Variants in STX8 observed in about 807,000 individuals in gnomAD.
The protein encoded by STX8 is syntaxin 8, also known as syntaxin-8.
A neutral mutation model predicts 37.5 loss-of-function variants in STX8; 23 were observed. That is an observed-to-expected ratio of 0.61 (90% confidence interval 0.44 to 0.87). The LOEUF is 0.87. Ranked by LOEUF, STX8 falls within the 40% of genes least tolerant of loss-of-function variation. The pLI is 0.00. For missense variants in STX8, 313 were observed against 284.7 expected (o/e 1.10, Z -0.71); for synonymous variants, 115 against 99.1 (o/e 1.16, Z -0.95).
In STX8 at chr17:9,542,008, T is replaced by A. The variant is rs890614205; in HGVS notation, c.323+3164A>T. On this transcript the variant is annotated intron_variant, in intron 4 of 7. Coordinates refer to ENST00000306357, the MANE Select transcript of STX8 (RefSeq NM_004853.3). The stretch of plus-strand genomic sequence containing the variant: ...GTACATGGTCTAAACATTTGTATTT[T>A]TTTTTTTTTTTCCATTCTCTCTTGG... Among the ~76,000 whole-genome samples, 8 of 149,790 alleles carry A rather than the reference T, an allele frequency of 5.3e-5. No homozygotes were observed. In the South Asian group the frequency reaches 1.7e-3, roughly 31 times the overall value.
chr17:9,412,131 C>G (rs1041455507), intron 6 of STX8, among the ~76,000 whole-genome samples: 1 of 152,058 alleles, frequency 6.6e-6, no homozygotes, highest in African/African-American at 2.4e-5. Context: ...AATACATAGT[C>G]CAAGGAACAC....
intron 7 of STX8, among the ~76,000 whole-genome samples, chr17:9,259,620 G>A (rs934520283): frequency 6.6e-6 from 1 of 152,200 alleles, no homozygotes; most frequent in Non-Finnish European, 1.5e-5. Context: ...GCTGTGCTGG[G>A]CGGAATGCTG....
chr17:9,406,749 C>CA, intron 6 of STX8, among the ~76,000 whole-genome samples: 1 of 152,246 alleles, frequency 6.6e-6, no homozygotes, highest in South Asian at 2.1e-4. Context: ...CTAGACTATA[C>CA]AATTCATCTG....
At chr17:9,373,361 C>A (rs979051874) in intron 7 of STX8, among the ~76,000 whole-genome samples, 2 of 151,806 alleles carry the variant, frequency 1.3e-5, no homozygotes, top group Non-Finnish European at 2.9e-5. Context: ...GGTGGAACAA[C>A]CTGTGTCCAC....
At chr17:9,501,974 A>C (rs1904628429) in intron 5 of STX8, among the ~76,000 whole-genome samples, 1 of 152,156 alleles carries the variant, frequency 6.6e-6, no homozygotes, top group African/African-American at 2.4e-5. Flanking sequence ...GTCTCAAAAA[A>C]CAAACAAACA....
intron 6 of STX8, among the ~76,000 whole-genome samples, chr17:9,431,443 TTGTTGTTTTG>T (rs1913975589): frequency 6.8e-6 from 1 of 147,444 alleles, no homozygotes; most frequent in African/African-American, 2.6e-5. Context: ...GTTGTTGTTG[TTGTTGTTTTG>T]TTTTTTTTGT....
intron 4 of STX8, among the ~76,000 whole-genome samples, chr17:9,543,422 T>C (rs1200000562): frequency 6.6e-6 from 1 of 152,002 alleles, no homozygotes. Context: ...GCCTCCTGAG[T>C]AGCTGGGACT....
At chr17:9,362,277 A>T (rs1911085052) in intron 7 of STX8, among the ~76,000 whole-genome samples, 1 of 152,018 alleles carries the variant, frequency 6.6e-6, no homozygotes, top group Non-Finnish European at 1.5e-5. Context: ...TTGCAGTGAG[A>T]TCGTACCACT....
intron 3 of STX8, among the ~76,000 whole-genome samples, chr17:9,546,484 G>GCATGGGCGCC (rs1194213915): frequency 6.6e-6 from 1 of 151,592 alleles, no homozygotes; most frequent in African/African-American, 2.4e-5. Context: ...CGGCGCGTGC[G>GCATGGGCGCC]CATGAAGCAA....
chr17:9,456,459 T>A lies in STX8; in HGVS notation c.541+35370A>T, dbSNP rs9911856. ...GTTCACTGAGGCCACTGAACAGCTG[T>A]CCGGTGATAACCACTTTCATAGTTG... On this transcript the variant is annotated intron_variant, in intron 6 of 7. Transcript: ENST00000306357. 2.6e-4 allele frequency among the ~76,000 whole-genome samples: 40 copies of A among 152,230 alleles called. No individual in the cohort carries two copies. The East Asian group carries it at 7.5e-3, about 29-fold the overall frequency.
chr17:9,408,656 G>A (rs1217672829), intron 6 of STX8, among the ~76,000 whole-genome samples: 1 of 152,162 alleles, frequency 6.6e-6, no homozygotes. Flanking sequence ...TCTGGCCTAC[G>A]TGTTTAGTAA....
In STX8 at chr17:9,568,225, G is replaced by A. The variant is rs975983626; in HGVS notation, c.117+146C>T. The A allele has an allele frequency of 1.2e-5, 7 of 583,138 alleles. No homozygotes were observed. In the African/African-American group the frequency reaches 1.3e-4, roughly 11 times the overall value. The allele number at this position is 583,138 out of a possible 1,614,324, so 36.1% of individuals were successfully genotyped here. ...CTCAATGATTACATCACTACTAACT[G>A]GTTGGGTGTTATGTCAATTCAACAT... is the stretch of plus-strand genomic sequence containing the variant. On this transcript the variant is annotated intron_variant, in intron 2 of 7. Transcript: ENST00000306357.
intron 6 of STX8, among the ~76,000 whole-genome samples, chr17:9,440,968 G>A (rs1430679136): frequency 4.6e-5 from 7 of 152,012 alleles, no homozygotes; most frequent in Non-Finnish European, 1.5e-5. Context: ...ACCATGGCTG[G>A]CCTCCTCTCC....
intron 6 of STX8, among the ~76,000 whole-genome samples, chr17:9,431,827 G>C (rs1006981505): frequency 3.9e-5 from 6 of 152,172 alleles, no homozygotes; most frequent in African/African-American, 1.2e-4. Flanking sequence ...TCAAGGCTAT[G>C]CTTGCAGAGC....
At chr17:9,348,151 C>A (rs906350314) in intron 7 of STX8, among the ~76,000 whole-genome samples, 24 of 152,022 alleles carry the variant, frequency 1.6e-4, no homozygotes, top group African/African-American at 5.3e-4. Context: ...ACCTGCTGGG[C>A]GCGGTGGCTC....
intron 7 of STX8, among the ~76,000 whole-genome samples, chr17:9,360,602 T>C (rs1597624260): frequency 7.3e-6 from 1 of 137,338 alleles, no homozygotes; most frequent in Non-Finnish European, 1.6e-5. Context: ...AGCCAAAATA[T>C]CAACAAAATG....
At chr17:9,542,679 A>AAAT (rs1906331312) in intron 4 of STX8, among the ~76,000 whole-genome samples, 1 of 151,058 alleles carries the variant, frequency 6.6e-6, no homozygotes, top group African/African-American at 2.5e-5. Context: ...TCCATCTCAA[A>AAAT]AAATAAATAA....
At chr17:9,463,143 T>G (rs1905465869) in intron 6 of STX8, among the ~76,000 whole-genome samples, 1 of 152,338 alleles carries the variant, frequency 6.6e-6, no homozygotes, top group African/African-American at 2.4e-5. Context: ...CCTCATGGTT[T>G]ACAGCTTGAG....
At chr17:9,448,545 T>C (rs1406615376) in intron 6 of STX8, among the ~76,000 whole-genome samples, 1 of 99,868 alleles carries the variant, frequency 1.0e-5, no homozygotes, top group African/African-American at 3.7e-5. Context: ...CAATGTGCGT[T>C]ACGGAGAAAA....
Sources: allele counts gnomAD v4.1 joint callset (sites outside exome capture counted in the v4.1 genomes callset), GRCh38; gene constraint gnomAD v4.1.1; transcripts MANE v1.5; gene names NCBI Gene and HGNC (gene_info 2026-07-23, HGNC 2026-07-21).